Variants in MTSS2 observed in about 807,000 individuals in gnomAD.
MTSS2 encodes the protein MTSS I-BAR domain containing 2, also known as protein MTSS 2.
In MTSS2, 27 loss-of-function variants were observed where a neutral mutation model predicts 67.1. The ratio of observed to expected loss-of-function variants is 0.40; its 90% CI spans 0.30 to 0.55. The LOEUF is 0.55. Ranked by LOEUF, MTSS2 falls within the 20% of genes least tolerant of loss-of-function variation. MTSS2 has a pLI of 0.43. For missense variants in MTSS2, 1,171 were observed against 1,067.8 expected (o/e 1.10, Z -1.35); for synonymous variants, 624 against 468.6 (o/e 1.33, Z -4.28).
chr16:70,685,687 G>T, intron 1 of MTSS2, 36 bp downstream of exon 1: 1 of 1,244,228 alleles, frequency 8.0e-7, no homozygotes. Flanking sequence ...TCCCGCACCC[G>T]TCGCCGCGCG....
chr16:70,670,071 G>C (rs2052874786), intron 11 of MTSS2, among the ~76,000 whole-genome samples: 1 of 151,818 alleles, frequency 6.6e-6, no homozygotes, highest in African/African-American at 2.4e-5. Context: ...AGGAGTTTGA[G>C]ACCTGCCTGG....
rs1215483016 is a variant in MTSS2 at position 70,679,829 on chromosome 16, G to T, written c.339C>A (p.Asp113Glu). 1.2e-6 allele frequency: 2 copies of T among 1,607,920 alleles called. No homozygotes were observed. Among genetic ancestry groups the T allele is most frequent in the Non-Finnish European group, 8.5e-7 (1 of 1,179,652 alleles). The change falls in exon 5 of 15, where the codon GAC (aspartate) becomes GAA (glutamate). Residue 113 changes from aspartate (D) to glutamate (E), a missense_variant. Transcript: ENST00000338779. Reference sequence around the variant, plus strand: ...CCAGCTGGTTGGCCGCCTTCTTCCAGTCCTCGATGCGCTCCTGCAGCGGGT... The same window carrying T: ...CCAGCTGGTTGGCCGCCTTCTTCCATTCCTCGATGCGCTCCTGCAGCGGGT... ...LINPLQERIE[D>E]WKKAANQLDK...
chr16:70,674,383 G>C lies in MTSS2; in HGVS notation c.976C>G (p.His326Asp). 6.2e-7 allele frequency: 1 copy of C among 1,614,204 alleles called. No individual in the cohort carries two copies. Among genetic ancestry groups the C allele is most frequent in the Non-Finnish European group, 8.5e-7 (1 of 1,180,040 alleles). The change falls in exon 11 of 15, where the codon CAT becomes GAT. Residue 326 changes from histidine (H) to aspartate (D), a missense_variant. Transcript: ENST00000338779. Reference sequence around the variant, plus strand: ...TCCTGGGAGACGAAGCCAGAGTCATGGGAGGAAACGCTGGAGAGGCGAGCG... The same window carrying C: ...TCCTGGGAGACGAAGCCAGAGTCATCGGAGGAAACGCTGGAGAGGCGAGCG... The part of the protein sequence containing the change: ...TTARLSSVSS[H>D]DSGFVSQDAT...
rs1353025259 is a variant in MTSS2, at chr16:70,663,526, A to C, written c.*151T>G. 5.2e-6 allele frequency: 7 copies of C among 1,355,886 alleles called. No individual in the cohort carries two copies. Among genetic ancestry groups the C allele is most frequent in the Non-Finnish European group, 5.8e-6 (6 of 1,033,280 alleles). The allele number at this position is 1,355,886 out of a possible 1,614,324, so 84.0% of individuals were successfully genotyped here. On this transcript the variant is annotated 3_prime_UTR_variant, in exon 15 of 15. Transcript: ENST00000338779. The stretch of plus-strand genomic sequence containing the variant: ...AGTCACTTCCTGTTTAAATGCTGGA[A>C]TCCAAGTGAGGTGTCTTTCCATAAA...
At chr16:70,678,533 G>A in intron 7 of MTSS2, 124 bp from the exon 8 acceptor site, 1 of 1,164,864 alleles carries the variant, frequency 8.6e-7, no homozygotes. Context: ...CCTGGGGCCA[G>A]GGGACTGCGG....
chr16:70,671,148 GGTC>G (rs2052923056), intron 11 of MTSS2, among the ~76,000 whole-genome samples: 1 of 152,000 alleles, frequency 6.6e-6, no homozygotes, highest in Non-Finnish European at 1.5e-5. Flanking sequence ...AGGTGTGGCA[GGTC>G]ATGCCTGTAA....
intron 11 of MTSS2, among the ~76,000 whole-genome samples, chr16:70,670,811 A>T (rs1236452636): frequency 6.6e-6 from 1 of 151,942 alleles, no homozygotes; most frequent in African/African-American, 2.4e-5. Flanking sequence ...TAAAAGAAAA[A>T]ATATAAAAAT....
In MTSS2 at chr16:70,664,388, A is replaced by G; in HGVS notation, c.1533T>C (p.Phe511=). 14 of 1,570,396 alleles carry G rather than the reference A, an allele frequency of 8.9e-6. No individual in the cohort carries two copies. The highest frequency in any genetic ancestry group is 1.2e-5 in the Non-Finnish European group (14 of 1,162,684). Residue 511 remains phenylalanine (F), a synonymous_variant, in exon 15 of 15, where the codon TTT becomes TTC. Transcript: ENST00000338779. The part of the protein sequence containing the change: ...GDADSEGPPE[F]DKSSTIPRNS... ...TGCGCGGGATGGTGGATGACTTGTCAAACTCGGGCGGGCCCTCGCTGTCCG... is the reference window on the plus strand; with the variant it reads ...TGCGCGGGATGGTGGATGACTTGTCGAACTCGGGCGGGCCCTCGCTGTCCG...
rs952559585 is a variant in MTSS2 at position 70,663,688 on chromosome 16, G to A, written c.2233C>T (p.Arg745Cys). ...RTVTNDRSAP[R>C]IL ...GGAGGGTGGCGCCATCATAAGATGC[G>A]GGGCGCCGACCTGTCGTTGGTGACG... The change falls in exon 15 of 15, where the codon CGC (arginine) becomes TGC (cysteine). Residue 745 changes from arginine to cysteine, a missense_variant. By Grantham distance (180) the Arg-to-Cys change is radical (BLOSUM62 -3). Around this residue, in one of 2 missense-constraint regions of MTSS2, gnomAD observed 924 missense variants for 756.0 expected, o/e 1.22. Coordinates refer to ENST00000338779, the MANE Select transcript of MTSS2 (RefSeq NM_138383.3). 9 of 1,584,408 alleles carry A rather than the reference G, an allele frequency of 5.7e-6. No individual in the cohort carries two copies. The highest frequency in any genetic ancestry group is 1.8e-5 in the Admixed American group (1 of 56,330).
rs2065345448 is a variant in MTSS2, at chr16:70,661,982, CCTGAGCTCCACGGG to C, written c.*1681_*1694del. The C allele has an allele frequency of 6.5e-6, 1 of 153,160 alleles. No individual in the cohort carries two copies. Among genetic ancestry groups the C allele is most frequent in the African/African-American group, 2.4e-5 (1 of 41,416 alleles). 9.5% of individuals were successfully genotyped at this position (153,160 alleles called of 1,614,324 possible). ...CCTAAAACCGGGGCTCTGGTGTTGG[CCTGAGCTCCACGGG>C]CTGAGTGCTCGGCCAGGCAGTTGTT... On this transcript the variant is annotated 3_prime_UTR_variant, in exon 15 of 15. Coordinates refer to ENST00000338779, the MANE Select transcript of MTSS2 (RefSeq NM_138383.3).
rs987925250 is a variant in MTSS2 at position 70,681,522 on chromosome 16, TC to T, written c.70-498del. 3.4e-4 allele frequency among the ~76,000 whole-genome samples: 52 copies of T among 152,294 alleles called. 1 individual carries two copies. Among genetic ancestry groups the T allele is most frequent in the South Asian group, 2.1e-4 (1 of 4,830 alleles). On this transcript the variant is annotated intron_variant, in intron 1 of 14. Transcript: ENST00000338779. ...GGCACACCAGGTGTAGACTGGGGCC[TC>T]CGGGGCCCCTGCCCTGTGTCCTGGA...
chr16:70,673,876 GAGAC>G (rs2053022027), intron 11 of MTSS2, among the ~76,000 whole-genome samples: 1 of 152,016 alleles, frequency 6.6e-6, no homozygotes, highest in Admixed American at 6.6e-5. Flanking sequence ...TAAAAGAAAA[GAGAC>G]AGAATATAAC....
Position 70,661,378 on chromosome 16 carries a change from G to A in MTSS2, c.*2299C>T. 3 of 398,574 alleles carry A rather than the reference G, an allele frequency of 7.5e-6. No homozygotes were observed. The highest frequency in any genetic ancestry group is 5.4e-5 in the South Asian group (3 of 55,076). 24.7% of individuals were successfully genotyped at this position (398,574 alleles called of 1,614,324 possible). On this transcript the variant is annotated 3_prime_UTR_variant, in exon 15 of 15. Coordinates refer to ENST00000338779, the MANE Select transcript of MTSS2 (RefSeq NM_138383.3). ...ACAAATGGTTCAGATGGGACGGAGG[G>A]TGGGGGAGGGGGGGAGGGTGAGTAG...
intron 11 of MTSS2, among the ~76,000 whole-genome samples, chr16:70,673,923 G>C (rs970037456): frequency 1.3e-5 from 2 of 151,838 alleles, no homozygotes; most frequent in Non-Finnish European, 2.9e-5. Context: ...TAAGAGAAAA[G>C]AAAAAACAAA....
chr16:70,668,884 G>C (rs566211413), intron 11 of MTSS2, among the ~76,000 whole-genome samples: 1 of 152,248 alleles, frequency 6.6e-6, no homozygotes, highest in East Asian at 1.9e-4. Flanking sequence ...TGTAGTCTAA[G>C]CCACCCAGGT....
intron 11 of MTSS2, among the ~76,000 whole-genome samples, chr16:70,670,391 A>G (rs1015854478): frequency 1.3e-5 from 2 of 152,238 alleles, no homozygotes; most frequent in African/African-American, 4.8e-5. Context: ...AGATGTGCAT[A>G]TCCCATGACT....
rs1415737359 is a variant in MTSS2, at chr16:70,663,806, C to G, written c.2115G>C (p.Glu705Asp). 6.5e-7 allele frequency: 1 copy of G among 1,528,044 alleles called. No homozygotes were observed. Among genetic ancestry groups the G allele is most frequent in the Admixed American group, 2.0e-5 (1 of 49,876 alleles). The allele number at this position is 1,528,044 out of a possible 1,614,324, so 94.7% of individuals were successfully genotyped here. Reference sequence around the variant, plus strand: ...CGGCTGGGGGTGGGGTGGGCGTCTCCTCCGTGGGGGTGGCCGACAGAGCAG... The same window carrying G: ...CGGCTGGGGGTGGGGTGGGCGTCTCGTCCGTGGGGGTGGCCGACAGAGCAG... The part of the protein sequence containing the change: ...FPTALSATPT[E>D]ETPTPPPAAT... Residue 705 changes from glutamate (E) to aspartate (D), a missense_variant, in exon 15 of 15, where the codon GAG becomes GAC. Glu to Asp is a conservative substitution (Grantham distance 45). Coordinates refer to ENST00000338779, the MANE Select transcript of MTSS2 (RefSeq NM_138383.3).
Position 70,664,007 on chromosome 16 carries a change from G to C in MTSS2, c.1914C>G (p.Leu638=). The change falls in exon 15 of 15, where the codon CTC becomes CTG. Residue 638 remains leucine (L), a synonymous_variant. Coordinates refer to ENST00000338779, the MANE Select transcript of MTSS2 (RefSeq NM_138383.3). ...TGCCCCAGGCTGTGTTGGGCAGGCT[G>C]AGCCTCTTTGGGGAGGCCTTGGCGA... ...PDLAKASPKR[L]SLPNTAWGSP... The C allele has an allele frequency of 1.2e-6, 2 of 1,601,122 alleles. No individual in the cohort carries two copies. Among genetic ancestry groups the C allele is most frequent in the South Asian group, 1.1e-5 (1 of 89,050 alleles).
At chr16:70,669,388 G>A (rs1024230122) in intron 11 of MTSS2, among the ~76,000 whole-genome samples, 8 of 152,210 alleles carry the variant, frequency 5.3e-5, no homozygotes, top group Non-Finnish European at 1.0e-4. Context: ...GGTCTTTAAA[G>A]GTATGAAAAG....
Sources: allele counts gnomAD v4.1 joint callset (sites outside exome capture counted in the v4.1 genomes callset), GRCh38; gene constraint gnomAD v4.1.1; regional missense constraint gnomAD v4.1.1; transcripts MANE v1.5; gene names NCBI Gene and HGNC (gene_info 2026-07-23, HGNC 2026-07-21).